Variants in EPHA5 observed in about 807,000 individuals in gnomAD.
The protein encoded by EPHA5 is EPH receptor A5, also known as ephrin type-A receptor 5.
EPHA5 carries 60 observed loss-of-function variants against 105.0 expected under a neutral mutation model. The observed-to-expected ratio is 0.57, with a 90% CI of 0.46 to 0.71. The LOEUF is 0.71. EPHA5 is among the 30% of genes least tolerant of loss of function. The probability of loss-of-function intolerance (pLI) is 0.00; values close to 1 mark genes in which losing one functional copy is unlikely to be tolerated. For missense variants in EPHA5, 1,218 were observed against 1,274.7 expected (o/e 0.96, Z 0.68); for synonymous variants, 513 against 449.1 (o/e 1.14, Z -1.80).
intron 5 of EPHA5, among the ~76,000 whole-genome samples, chr4:65,424,610 T>A (rs1470239668): frequency 6.6e-6 from 1 of 152,028 alleles, no homozygotes; most frequent in Non-Finnish European, 1.5e-5. Context: ...ATGATGAATT[T>A]TCCACAATTC....
rs993637733 is a variant in EPHA5, at chr4:65,669,852, T to A, written c.-110A>T. The stretch of plus-strand genomic sequence containing the variant: ...GAGTCCTCCTTGTCCCCCCTTGGGG[T>A]CCTACGCCTTCTGGCACGCGGCTCC... On this transcript the variant is annotated 5_prime_UTR_variant, in exon 1 of 17. Coordinates refer to ENST00000613740, the MANE Select transcript of EPHA5 (RefSeq NM_001281766.3). 2.4e-6 allele frequency: 3 copies of A among 1,228,086 alleles called. No homozygotes were observed. In the African/African-American group the frequency reaches 4.7e-5, roughly 19 times the overall value. The allele number at this position is 1,228,086 out of a possible 1,614,324, so 76.1% of individuals were successfully genotyped here. A position where few individuals can be genotyped will look rare whatever the true frequency, so the allele number is the denominator to read the frequency against.
At chr4:65,575,522 CT>C (rs1249089928) in intron 3 of EPHA5, among the ~76,000 whole-genome samples, 2 of 152,146 alleles carry the variant, frequency 1.3e-5, no homozygotes, top group African/African-American at 4.8e-5. Context: ...GGCTTATTTA[CT>C]CACATAAATG....
At chr4:65,516,341 A>C (rs1429577086) in intron 3 of EPHA5, among the ~76,000 whole-genome samples, 1 of 152,200 alleles carries the variant, frequency 6.6e-6, no homozygotes, top group African/African-American at 2.4e-5. Context: ...TAAGGAATTT[A>C]CTGTTCATTA....
chr4:65,408,445 G>A (rs1004131613), intron 7 of EPHA5, among the ~76,000 whole-genome samples: 7 of 152,052 alleles, frequency 4.6e-5, no homozygotes, highest in Non-Finnish European at 8.8e-5. Context: ...AACACATTAT[G>A]GTGAAAGGTC....
chr4:65,490,281 T>G (rs1278325801), intron 5 of EPHA5, 96 bp downstream of exon 5: 1 of 1,238,094 alleles, frequency 8.1e-7, no homozygotes, highest in East Asian at 2.4e-5. Flanking sequence ...TGAGGGAAAA[T>G]TCTCACACAG....
intron 11 of EPHA5, 25 bp downstream of exon 11, chr4:65,364,992 A>G (rs1717723892): frequency 6.2e-7 from 1 of 1,600,310 alleles, no homozygotes. Context: ...ATGCACACAC[A>G]TGTATAATTT....
intron 3 of EPHA5, among the ~76,000 whole-genome samples, chr4:65,577,306 TA>T (rs1278140762): frequency 1.3e-5 from 2 of 152,154 alleles, no homozygotes; most frequent in African/African-American, 4.8e-5. Flanking sequence ...TGAACCTCAG[TA>T]TTTGCAGGTT....
rs749875796 is a variant in EPHA5 at position 65,490,715 on chromosome 4, G to T, written c.1067-3C>A. ...ATTCCGAGGAGCAGAGGGGGGTCCT[G>T]GTTTACAAAGTAAAGTAAGAAAAAC... is the stretch of plus-strand genomic sequence containing the variant. On this transcript the variant is annotated splice_region_variant and splice_polypyrimidine_tract_variant and intron_variant, in intron 4 of 16. Coordinates refer to ENST00000613740, the MANE Select transcript of EPHA5 (RefSeq NM_001281766.3). 4 of 1,610,752 alleles carry T rather than the reference G, an allele frequency of 2.5e-6. No homozygotes were observed. The South Asian group carries it at 4.4e-5, about 18-fold the overall frequency.
At chr4:65,407,864 T>C (rs915283145) in intron 7 of EPHA5, among the ~76,000 whole-genome samples, 1 of 151,942 alleles carries the variant, frequency 6.6e-6, no homozygotes, top group Non-Finnish European at 1.5e-5. Context: ...CATGTGATCC[T>C]CCCACCTCAA....
At chr4:65,659,075 C>T (rs926700974) in intron 1 of EPHA5, among the ~76,000 whole-genome samples, 1 of 151,834 alleles carries the variant, frequency 6.6e-6, no homozygotes, top group Non-Finnish European at 1.5e-5. Context: ...TCCAGGAAAC[C>T]TTTCTGTCTT....
chr4:65,322,358 A>G lies in EPHA5; in HGVS notation c.*1756T>C, dbSNP rs1239985423. On this transcript the variant is annotated 3_prime_UTR_variant, in exon 17 of 17. Transcript: ENST00000613740. ...TATTCAAATAAAACAAGTGCTTGGA[A>G]AAAAGAATACCATTAATATAACGTG... 4.5e-6 allele frequency: 1 copy of G among 224,438 alleles called. No homozygotes were observed. The highest frequency in any genetic ancestry group is 2.2e-5 in the African/African-American group (1 of 44,844). 13.9% of individuals were successfully genotyped at this position (224,438 alleles called of 1,614,324 possible).
chr4:65,331,654 T>C, intron 16 of EPHA5: 1 of 1,104,516 alleles, frequency 9.1e-7, no homozygotes, highest in Non-Finnish European at 1.1e-6. Flanking sequence ...TCATATAACA[T>C]AGATACCAGT....
chr4:65,573,352 A>C, intron 3 of EPHA5: 1 of 629,932 alleles, frequency 1.6e-6, no homozygotes, highest in Admixed American at 3.6e-5. Flanking sequence ...CAGAGCTTGC[A>C]ATGAGCTGAG....
intron 5 of EPHA5, among the ~76,000 whole-genome samples, chr4:65,463,663 T>C (rs931895486): frequency 9.2e-5 from 14 of 152,134 alleles, no homozygotes; most frequent in African/African-American, 3.4e-4. Flanking sequence ...CTCATTTAAG[T>C]ATAAGTTCAT....
chr4:65,332,523 T>TCTAATGTAAA (rs904182406), intron 15 of EPHA5, among the ~76,000 whole-genome samples: 1 of 150,870 alleles, frequency 6.6e-6, no homozygotes, highest in Non-Finnish European at 1.5e-5. Flanking sequence ...AACAGTGAAC[T>TCTAATGTAAA]CTAATGTAAA....
intron 5 of EPHA5, among the ~76,000 whole-genome samples, chr4:65,486,451 A>G (rs1425874208): frequency 6.6e-6 from 1 of 152,174 alleles, no homozygotes; most frequent in African/African-American, 2.4e-5. Context: ...GAGAGGGCCA[A>G]AGGGATGCAT....
At chr4:65,586,156 G>T (rs2149406097) in intron 3 of EPHA5, among the ~76,000 whole-genome samples, 1 of 151,572 alleles carries the variant, frequency 6.6e-6, no homozygotes, top group East Asian at 1.9e-4. Context: ...GTATTAACTT[G>T]ATATCAAATG....
chr4:65,332,218 CT>C (rs2148800213), intron 15 of EPHA5, 90 bp from the exon 16 acceptor site: 1 of 1,049,658 alleles, frequency 9.5e-7, no homozygotes, highest in South Asian at 1.8e-5. Context: ...TTCAATGGAT[CT>C]TTGAGTCTGT....
intron 8 of EPHA5, among the ~76,000 whole-genome samples, chr4:65,394,186 C>T (rs1720993109): frequency 6.6e-6 from 1 of 152,058 alleles, no homozygotes; most frequent in African/African-American, 2.4e-5. Flanking sequence ...TTTTTAGTGT[C>T]AAGTTACCAT....
Sources: allele counts gnomAD v4.1 joint callset (sites outside exome capture counted in the v4.1 genomes callset), GRCh38; gene constraint gnomAD v4.1.1; transcripts MANE v1.5; gene names NCBI Gene and HGNC (gene_info 2026-07-23, HGNC 2026-07-21).